CD200: variants seen among roughly 807,000 people sequenced by gnomAD.
CD200 encodes OX-2 membrane glycoprotein.
CD200 carries 15 observed loss-of-function variants against 30.9 expected under a neutral mutation model. The ratio of observed to expected loss-of-function variants is 0.49; its 90% CI spans 0.32 to 0.75. The LOEUF (loss-of-function observed/expected upper bound fraction) is 0.75. Ranked by LOEUF, CD200 falls within the 30% of genes least tolerant of loss-of-function variation. CD200 has a pLI of 0.03. For synonymous variants in CD200, 134 were observed against 126.2 expected (o/e 1.06, Z -0.41); for missense variants, 262 against 324.2 (o/e 0.81, Z 1.47).
intron 5 of CD200, among the ~76,000 whole-genome samples, chr3:112,358,857 C>A (rs62264132): frequency 0.22 from 33,809 of 151,834 alleles, 3,953 homozygotes; most frequent in Non-Finnish European, 0.26. Context: ...TCCCTCATAC[C>A]TTGCTTCATA....
rs1416702220 is a variant in CD200 at position 112,345,004 on chromosome 3, C to T, written c.137C>T (p.Pro46Leu). The T allele has an allele frequency of 1.2e-6, 2 of 1,613,926 alleles. No homozygotes were observed. Among genetic ancestry groups the T allele is most frequent in the Non-Finnish European group, 8.5e-7 (1 of 1,179,964 alleles). Reference protein sequence around the residue: ...TQDEREQLYTPASLKCSLQNA... With the variant: ...TQDEREQLYTLASLKCSLQNA... ...GATGAAAGAGAGCAGCTGTACACAC[C>T]TGCTTCCTTAAAATGCTCTCTGCAA... Residue 46 changes from proline to leucine, a missense_variant, in exon 3 of 6, where the codon CCT becomes CTT. Coordinates refer to ENST00000315711, the MANE Select transcript of CD200 (RefSeq NM_005944.7).
intron 5 of CD200, among the ~76,000 whole-genome samples, chr3:112,357,271 A>AAAAGAAAGAAAGAAAG (rs566639470): frequency 5.7e-5 from 8 of 139,798 alleles, no homozygotes; most frequent in Middle Eastern, 3.8e-3. Flanking sequence ...AAAAAAAAAA[A>AAAAGAAAGAAAGAAAG]AAAGAAAGAA....
chr3:112,341,628 T>C (rs2081241169), intron 2 of CD200, among the ~76,000 whole-genome samples: 1 of 152,132 alleles, frequency 6.6e-6, no homozygotes, highest in African/African-American at 2.4e-5. Context: ...CATCTCCAAC[T>C]CTGGTCCACA....
At chr3:112,333,289 GGCGGGCGGC>G in intron 1 of CD200, 65 bp downstream of exon 1, 1 of 1,516,928 alleles carries the variant, frequency 6.6e-7, no homozygotes, top group Admixed American at 2.1e-5. Flanking sequence ...GTGGCCCTGG[GGCGGGCGGC>G]GAGTGGAAGG....
At position 112,342,396 on chromosome 3, in the gene CD200, T is replaced by C. The variant is rs1296181217; in HGVS notation, c.94+1413T>C. On this transcript the variant is annotated intron_variant, in intron 2 of 5. Coordinates refer to ENST00000315711, the MANE Select transcript of CD200 (RefSeq NM_005944.7). ...TTCTTTCTTTCTTTCTTTCTTTCTT[T>C]CTTTCTTTCTTTCTTTCTTTCTTTC... 1.2e-4 allele frequency among the ~76,000 whole-genome samples: 8 copies of C among 64,882 alleles called. No homozygotes were observed. The East Asian group carries it at 1.5e-3, about 12-fold the overall frequency. The allele number at this position is 64,882 out of a possible 152,430, so 42.6% of individuals were successfully genotyped here.
At chr3:112,339,308 C>T (rs2081188103) in intron 1 of CD200, among the ~76,000 whole-genome samples, 1 of 152,146 alleles carries the variant, frequency 6.6e-6, no homozygotes, top group Admixed American at 6.5e-5. Context: ...TACCAAGAGC[C>T]TTGGCATTCC....
At chr3:112,359,390 T>C (rs1421212485) in intron 5 of CD200, among the ~76,000 whole-genome samples, 2 of 152,222 alleles carry the variant, frequency 1.3e-5, no homozygotes, top group East Asian at 3.8e-4. Context: ...TGGTAATTGA[T>C]AGTTCAAAAT....
intron 3 of CD200, among the ~76,000 whole-genome samples, chr3:112,346,989 T>C (rs2081411294): frequency 1.3e-5 from 2 of 152,232 alleles, no homozygotes; most frequent in Admixed American, 1.3e-4. Context: ...TGGTTTTGTG[T>C]AGCTCTTCCA....
At chr3:112,356,081 A>G (rs552533837) in intron 5 of CD200, among the ~76,000 whole-genome samples, 5 of 152,196 alleles carry the variant, frequency 3.3e-5, no homozygotes, top group African/African-American at 7.2e-5. Context: ...AAATTTATCA[A>G]TGAGAGGCTA....
At chr3:112,346,193 G>A (rs2081387432) in intron 3 of CD200, among the ~76,000 whole-genome samples, 1 of 151,926 alleles carries the variant, frequency 6.6e-6, no homozygotes, top group African/African-American at 2.4e-5. Flanking sequence ...TTTCTTTCTT[G>A]ATTTCCACTT....
intron 5 of CD200, among the ~76,000 whole-genome samples, chr3:112,353,504 G>A (rs540160660): frequency 4.6e-5 from 7 of 151,982 alleles, no homozygotes; most frequent in Non-Finnish European, 8.8e-5. Flanking sequence ...CCTAACCTAT[G>A]AATGGGTTCC....
At chr3:112,334,547 A>G (rs556571854) in intron 1 of CD200, among the ~76,000 whole-genome samples, 1 of 152,310 alleles carries the variant, frequency 6.6e-6, no homozygotes, top group Non-Finnish European at 1.5e-5. Flanking sequence ...GCAGTATTCT[A>G]GGAGCTTTAT....
intron 5 of CD200, among the ~76,000 whole-genome samples, chr3:112,357,027 C>T (rs1376372147): frequency 1.3e-5 from 2 of 151,958 alleles, no homozygotes; most frequent in East Asian, 1.9e-4. Flanking sequence ...TTTGGGAGGC[C>T]GAGGCGGGCG....
upstream of CD200, chr3:112,332,853 A>T: frequency 3.7e-6 from 1 of 271,892 alleles, no homozygotes; most frequent in Non-Finnish European, 7.0e-6. Context: ...CAGGTCAACA[A>T]CTGATCTCCA....
chr3:112,332,919 A>G, upstream of CD200: 3 of 512,552 alleles, frequency 5.9e-6, no homozygotes, highest in South Asian at 2.3e-5. Context: ...TGGAAAAAAA[A>G]AAATGATTTT....
At chr3:112,348,334 T>C (rs944834841) in intron 4 of CD200, among the ~76,000 whole-genome samples, 3 of 152,210 alleles carry the variant, frequency 2.0e-5, no homozygotes, top group South Asian at 2.1e-4. Context: ...AGAAGTGACA[T>C]CTGTGATGAA....
At chr3:112,357,207 G>C (rs1430678882) in intron 5 of CD200, among the ~76,000 whole-genome samples, 5 of 146,182 alleles carry the variant, frequency 3.4e-5, no homozygotes, top group Non-Finnish European at 7.4e-5. Context: ...CTTGCAGTGA[G>C]CAGAGATCGC....
At chr3:112,342,320 TCTTTCTTTCTTTCTTTC>T (rs1559782946) in intron 2 of CD200, among the ~76,000 whole-genome samples, 391 of 35,790 alleles carry the variant, frequency 0.011, 46 homozygotes, top group Middle Eastern at 0.047. Context: ...CTTCTTTCTT[TCTTTCTTTCTTTCTTTC>T]CTTCTTTCTT....
In CD200 at chr3:112,347,828, A is replaced by G. The variant is rs113900823; in HGVS notation, c.692A>G (p.Lys231Arg). The change falls in exon 4 of 6, where the codon AAA (lysine) becomes AGA (arginine). Residue 231 changes from lysine (K) to arginine (R), a missense_variant and splice_region_variant. Physicochemically the swap from Lys to Arg is conservative, Grantham distance 26. Transcript: ENST00000315711. ...TVTDFKQTVN[K>R]GYWFSVPLLL... ...ACCGACTTTAAGCAAACCGTCAACA[A>G]AGGTAAGAGAAAGTGAGCAAGGTGG... is the stretch of plus-strand genomic sequence containing the variant. 6.2e-7 allele frequency: 1 copy of G among 1,612,192 alleles called. No homozygotes were observed. The highest frequency in any genetic ancestry group is 8.5e-7 in the Non-Finnish European group (1 of 1,179,226).
Sources: allele counts gnomAD v4.1 joint callset (sites outside exome capture counted in the v4.1 genomes callset), GRCh38; gene constraint gnomAD v4.1.1; transcripts MANE v1.5; gene names NCBI Gene and HGNC (gene_info 2026-07-23, HGNC 2026-07-21).